The following FBXL17 variants were observed in gnomAD, a reference collection of about 807,000 sequenced individuals.
FBXL17 encodes the protein F-box/LRR-repeat protein 17.
FBXL17 carries 22 observed loss-of-function variants against 66.2 expected under a neutral mutation model. That is an observed-to-expected ratio of 0.33 (90% CI 0.24 to 0.47). FBXL17 has a LOEUF of 0.47. Among genes scored for constraint, FBXL17 ranks in the 20% least tolerant of loss-of-function variants. The probability of loss-of-function intolerance (pLI) is 1.00; values close to 1 mark genes in which losing one functional copy is unlikely to be tolerated. For missense variants in FBXL17, 878 were observed against 948.2 expected, an observed-to-expected ratio of 0.93 and a Z score of 0.97; for synonymous variants, 474 against 400.5, an observed-to-expected ratio of 1.18 and a Z score of -2.19.
chr5:107,904,387 T>C (rs1272528947), intron 7 of FBXL17, among the ~76,000 whole-genome samples: 3 of 152,164 alleles, frequency 2.0e-5, no homozygotes, highest in East Asian at 3.8e-4. Context: ...GACTCTGCTC[T>C]ATTTGGATCC....
chr5:108,096,253 C>G (rs992464816), intron 6 of FBXL17, among the ~76,000 whole-genome samples: 1 of 152,144 alleles, frequency 6.6e-6, no homozygotes, highest in Non-Finnish European at 1.5e-5. Context: ...TTTTTCAGCT[C>G]AGTAAGAAGC....
chr5:107,869,267 G>T (rs943336390), intron 8 of FBXL17, among the ~76,000 whole-genome samples: 1 of 152,186 alleles, frequency 6.6e-6, no homozygotes, highest in African/African-American at 2.4e-5. Context: ...GCTTCTCTCC[G>T]CGTTTCTTGG....
intron 4 of FBXL17, among the ~76,000 whole-genome samples, chr5:108,262,639 G>A (rs1164564701): frequency 2.0e-5 from 3 of 151,976 alleles, no homozygotes; most frequent in African/African-American, 7.3e-5. Flanking sequence ...GAGGCTACTG[G>A]AATCTTGATT....
At chr5:107,953,781 T>C (rs1751575789) in intron 7 of FBXL17, among the ~76,000 whole-genome samples, 1 of 152,222 alleles carries the variant, frequency 6.6e-6, no homozygotes, top group East Asian at 1.9e-4. Context: ...GTCTTTGGTA[T>C]AGCGAGTACA....
At chr5:108,313,067 C>G (rs1277122830) in intron 4 of FBXL17, among the ~76,000 whole-genome samples, 1 of 152,078 alleles carries the variant, frequency 6.6e-6, no homozygotes, top group African/African-American at 2.4e-5. Context: ...GTTCAAGCAG[C>G]TTTTATTTCT....
At chr5:108,116,524 T>C (rs1750261706) in intron 6 of FBXL17, among the ~76,000 whole-genome samples, 1 of 150,910 alleles carries the variant, frequency 6.6e-6, no homozygotes, top group South Asian at 2.1e-4. Context: ...GGCATGTGCC[T>C]GTAGTCCCAG....
chr5:108,150,311 C>G (rs1403461863), intron 6 of FBXL17, among the ~76,000 whole-genome samples: 1 of 152,118 alleles, frequency 6.6e-6, no homozygotes, highest in Non-Finnish European at 1.5e-5. Flanking sequence ...CCAAGTGATC[C>G]TCCCACCTCA....
Position 108,382,010 on chromosome 5 carries a change from T to G in FBXL17, c.-319A>C. The G allele has an allele frequency of 8.9e-7, 1 of 1,129,274 alleles. No homozygotes were observed. Among genetic ancestry groups the G allele is most frequent in the Non-Finnish European group, 1.1e-6 (1 of 917,108 alleles). 70.0% of individuals were successfully genotyped at this position (1,129,274 alleles called of 1,614,324 possible). ...GTCCGGGCCCGGCCAGCCGGCTCAGTCAGTCAGCGGAGCGGCCGGGGAAAG... is the reference window on the plus strand; with the variant it reads ...GTCCGGGCCCGGCCAGCCGGCTCAGGCAGTCAGCGGAGCGGCCGGGGAAAG... On this transcript the variant is annotated 5_prime_UTR_variant, in exon 1 of 9. Transcript: ENST00000542267.
At position 108,381,387 on chromosome 5, in the gene FBXL17, C is replaced by T. The variant is rs566797903; in HGVS notation, c.305G>A (p.Arg102Gln). 2.4e-3 allele frequency: 3,171 copies of T among 1,325,578 alleles called. 73 individuals carry two copies. The African/African-American group carries it at 0.045, about 19-fold the overall frequency. 82.1% of individuals were successfully genotyped at this position (1,325,578 alleles called of 1,614,324 possible). A position where few individuals can be genotyped will look rare whatever the true frequency, so the allele number is the denominator to read the frequency against. The change falls in exon 1 of 9, where the codon CGG becomes CAG. Residue 102 changes from arginine (R) to glutamine (Q), a missense_variant. Physicochemically the swap from Arg to Gln is conservative, Grantham distance 43. Around this residue, in one of 4 missense-constraint regions of FBXL17, gnomAD observed 605 missense variants for 509.5 expected, o/e 1.19. Coordinates refer to ENST00000542267, the MANE Select transcript of FBXL17 (RefSeq NM_001163315.3). The stretch of plus-strand genomic sequence containing the variant: ...CTCGGCGGCCAGGGCCGCGTAGCGC[C>T]GCGCCAGGTGCTGAGAGGAGGAGGC... ...AAASSSQHLA[R>Q]RYAALAAEDC...
intron 6 of FBXL17, among the ~76,000 whole-genome samples, chr5:108,107,534 C>T (rs1749847791): frequency 6.6e-6 from 1 of 151,970 alleles, no homozygotes; most frequent in Non-Finnish European, 1.5e-5. Context: ...AAATCTCGGC[C>T]AGGCACGGTG....
intron 6 of FBXL17, among the ~76,000 whole-genome samples, chr5:108,176,385 T>A (rs536658255): frequency 6.6e-6 from 1 of 152,228 alleles, no homozygotes; most frequent in South Asian, 2.1e-4. Flanking sequence ...TCCAGAAATA[T>A]CCGTAATATG....
intron 6 of FBXL17, among the ~76,000 whole-genome samples, chr5:108,159,007 A>C (rs1752105012): frequency 6.6e-6 from 1 of 152,178 alleles, no homozygotes; most frequent in South Asian, 2.1e-4. Flanking sequence ...GGAACAAGGA[A>C]AAGGGAACCA....
intron 6 of FBXL17, among the ~76,000 whole-genome samples, chr5:108,043,634 T>C (rs1050308069): frequency 5.9e-5 from 9 of 152,192 alleles, no homozygotes; most frequent in African/African-American, 2.2e-4. Context: ...TGTAGCTACA[T>C]AAAAACTCCT....
intron 7 of FBXL17, among the ~76,000 whole-genome samples, chr5:107,972,404 T>C (rs1019202941): frequency 2.0e-5 from 3 of 152,194 alleles, no homozygotes; most frequent in South Asian, 2.1e-4. Flanking sequence ...GTTTCTACCA[T>C]CCAGTCAACT....
chr5:108,279,775 G>T (rs1757629078), intron 4 of FBXL17, among the ~76,000 whole-genome samples: 1 of 151,434 alleles, frequency 6.6e-6, no homozygotes, highest in Non-Finnish European at 1.5e-5. Context: ...AAATATCTTT[G>T]GGGGAAAAAA....
rs191618486 is a variant in FBXL17 at position 108,012,859 on chromosome 5, T to C, written c.1822+8066A>G. On this transcript the variant is annotated intron_variant, in intron 7 of 8. Transcript: ENST00000542267. The stretch of plus-strand genomic sequence containing the variant: ...GGAGAAACCCTGTCTCTACTAAAAA[T>C]ACAAAATTAGCCGGGCGTGGTGGCA... 1.5e-3 allele frequency among the ~76,000 whole-genome samples: 230 copies of C among 151,976 alleles called. 2 individuals carry two copies. The highest frequency in any genetic ancestry group is 5.2e-3 in the African/African-American group (217 of 41,478).
At chr5:108,301,931 A>G (rs933739864) in intron 4 of FBXL17, 27 of 551,148 alleles carry the variant, frequency 4.9e-5, no homozygotes, top group African/African-American at 4.7e-4. Flanking sequence ...AATGGGAGAT[A>G]TATGTATTGA....
chr5:108,183,502 T>C (rs1186986380), intron 6 of FBXL17, among the ~76,000 whole-genome samples: 2 of 152,234 alleles, frequency 1.3e-5, no homozygotes, highest in East Asian at 1.9e-4. Context: ...ATGTTGATTA[T>C]AGAGAAGAAT....
intron 6 of FBXL17, among the ~76,000 whole-genome samples, chr5:108,151,409 AAG>A (rs1204722077): frequency 3.3e-5 from 5 of 152,160 alleles, no homozygotes; most frequent in Non-Finnish European, 5.9e-5. Context: ...TGTCCCAAAA[AAG>A]AGTTTTACAA....
Sources: gnomAD v4.1 joint callset for allele counts (sites outside exome capture counted in the v4.1 genomes callset) on GRCh38, gnomAD v4.1.1 for gene constraint, gnomAD v4.1.1 regional missense constraint, MANE v1.5 for transcripts, NCBI Gene and HGNC (gene_info 2026-07-23, HGNC 2026-07-21) for gene names.